Variants in TANC2 observed in about 807,000 individuals in gnomAD.
TANC2 encodes the protein protein TANC2.
In TANC2, 26 loss-of-function variants were observed where a neutral mutation model predicts 210.5. The ratio of observed to expected loss-of-function variants is 0.12; its 90% CI spans 0.09 to 0.17. TANC2 has a LOEUF of 0.17. TANC2 is among the 10% of genes least tolerant of loss of function. The pLI is 1.00. For synonymous variants in TANC2, 931 were observed against 967.1 expected (o/e 0.96, Z 0.69); for missense variants, 2,129 against 2,608.9 (o/e 0.82, Z 4.01).
chr17:63,251,545 A>C (rs1172123553), intron 8 of TANC2, among the ~76,000 whole-genome samples: 2 of 152,184 alleles, frequency 1.3e-5, no homozygotes, highest in African/African-American at 4.8e-5. Flanking sequence ...AGCAAAGAGA[A>C]ACTAAAAGAG....
chr17:63,321,991 T>A (rs1390153696), intron 11 of TANC2, among the ~76,000 whole-genome samples: 1 of 152,164 alleles, frequency 6.6e-6, no homozygotes, highest in Non-Finnish European at 1.5e-5. Context: ...GTCTGTAATA[T>A]TGTAAGGTTC....
intron 8 of TANC2, among the ~76,000 whole-genome samples, chr17:63,264,454 T>C (rs1162582591): frequency 6.6e-6 from 1 of 152,194 alleles, no homozygotes; most frequent in African/African-American, 2.4e-5. Flanking sequence ...CTGCCTTTTT[T>C]GGACTATTAT....
At chr17:63,163,828 C>A (rs923412511) in intron 5 of TANC2, among the ~76,000 whole-genome samples, 1 of 152,154 alleles carries the variant, frequency 6.6e-6, no homozygotes. Flanking sequence ...CTAAGGATAT[C>A]TGTCTTAAAT....
chr17:63,054,926 GTT>G (rs753644291), intron 2 of TANC2, among the ~76,000 whole-genome samples: 29 of 152,030 alleles, frequency 1.9e-4, no homozygotes, highest in South Asian at 8.3e-4. Context: ...CTGTATTTTA[GTT>G]TCTAGAGTAT....
rs76133837 is a variant in TANC2 at position 63,312,263 on chromosome 17, C to T, written c.1160-2125C>T. 7.6e-4 allele frequency among the ~76,000 whole-genome samples: 116 copies of T among 152,112 alleles called. 1 individual carries two copies. Among genetic ancestry groups the T allele is most frequent in the African/African-American group, 2.7e-3 (113 of 41,498 alleles). Reference sequence around the variant, plus strand: ...GTTCTACCAAAAAGACATATGCATGCGTATGTTCATTAAAATACTAGTGAC... The same window carrying T: ...GTTCTACCAAAAAGACATATGCATGTGTATGTTCATTAAAATACTAGTGAC... On this transcript the variant is annotated intron_variant, in intron 9 of 27. Transcript: ENST00000689528.
intron 17 of TANC2, chr17:63,389,878 G>C (rs2047908986): frequency 3.1e-6 from 1 of 327,062 alleles, no homozygotes; most frequent in African/African-American, 2.1e-5. Context: ...AGGAAGCCAG[G>C]AGACTGCAGT....
intron 9 of TANC2, among the ~76,000 whole-genome samples, chr17:63,296,742 T>C (rs1279175923): frequency 1.3e-5 from 2 of 151,892 alleles, no homozygotes; most frequent in African/African-American, 4.8e-5. Flanking sequence ...AGGAAACAAA[T>C]AGAAATTCTG....
chr17:63,419,771 C>T (rs2048967331), intron 27 of TANC2, among the ~76,000 whole-genome samples: 1 of 152,146 alleles, frequency 6.6e-6, no homozygotes, highest in African/African-American at 2.4e-5. Flanking sequence ...CCACTATTCC[C>T]AGAGAGGCCA....
At chr17:63,341,486 T>G (rs879298542) in intron 12 of TANC2, among the ~76,000 whole-genome samples, 1 of 152,240 alleles carries the variant, frequency 6.6e-6, no homozygotes, top group Non-Finnish European at 1.5e-5. Flanking sequence ...CTCATCCTGG[T>G]CTTTCCTGGT....
rs1317924768 is a variant in TANC2, at chr17:63,099,164, C to T, written c.140-11C>T. On this transcript the variant is annotated splice_polypyrimidine_tract_variant and intron_variant, in intron 3 of 27. Transcript: ENST00000689528. ...TCTCACCAGCTCTTTTGTTCCATCCCCTTCTAACAGGTGGCATCTCCACAG... is the reference window on the plus strand; with the variant it reads ...TCTCACCAGCTCTTTTGTTCCATCCTCTTCTAACAGGTGGCATCTCCACAG... 1.9e-6 allele frequency: 3 copies of T among 1,609,830 alleles called. No individual in the cohort carries two copies. The highest frequency in any genetic ancestry group is 2.5e-6 in the Non-Finnish European group (3 of 1,177,966).
chr17:63,194,046 A>T (rs757339414), exon 6 of TANC2: 10 of 1,613,138 alleles, frequency 6.2e-6, no homozygotes, highest in Non-Finnish European at 8.5e-6. Context: ...CAGCAAACAC[A>T]CTCATGACTC....
chr17:63,324,897 A>G (rs1337294681), intron 11 of TANC2, among the ~76,000 whole-genome samples: 1 of 151,992 alleles, frequency 6.6e-6, no homozygotes, highest in African/African-American at 2.4e-5. Context: ...GTACTGAGTA[A>G]TCTTTCTAAA....
intron 9 of TANC2, among the ~76,000 whole-genome samples, chr17:63,269,729 C>T (rs1325950016): frequency 2.0e-5 from 3 of 152,070 alleles, no homozygotes; most frequent in African/African-American, 7.2e-5. Flanking sequence ...TTAACAGATA[C>T]ATTCTGGTGA....
At chr17:63,199,873 G>A (rs1487961585) in intron 6 of TANC2, among the ~76,000 whole-genome samples, 2 of 152,192 alleles carry the variant, frequency 1.3e-5, no homozygotes, top group Non-Finnish European at 2.9e-5. Context: ...CTGTTACAGA[G>A]AAGTTATTTA....
chr17:63,411,938 G>A (rs980979523), intron 22 of TANC2, 60 bp from the exon 23 acceptor site: 13 of 1,592,174 alleles, frequency 8.2e-6, no homozygotes, highest in African/African-American at 6.7e-5. Flanking sequence ...CAGAGCCCTC[G>A]GTGGAACAGT....
chr17:63,150,111 T>G (rs2039596841), intron 4 of TANC2: 1 of 152,162 alleles, frequency 6.6e-6, no homozygotes, highest in South Asian at 2.1e-4. Flanking sequence ...TTACAGGGTC[T>G]TTTAGGAATA....
intron 19 of TANC2, 48 bp downstream of exon 19, chr17:63,398,962 A>T: frequency 7.3e-7 from 1 of 1,378,454 alleles, no homozygotes; most frequent in Non-Finnish European, 1.0e-6. Flanking sequence ...GTTTGTGTGG[A>T]CTCTCGAATC....
At chr17:63,060,703 C>A (rs147245738) in intron 2 of TANC2, among the ~76,000 whole-genome samples, 1 of 152,050 alleles carries the variant, frequency 6.6e-6, no homozygotes, top group Non-Finnish European at 1.5e-5. Flanking sequence ...ATTTTGATAT[C>A]TTTCTAGTTA....
intron 11 of TANC2, among the ~76,000 whole-genome samples, chr17:63,335,036 C>T (rs1416066734): frequency 6.6e-6 from 1 of 152,098 alleles, no homozygotes; most frequent in Non-Finnish European, 1.5e-5. Flanking sequence ...CAGCACCAAG[C>T]CTTGAGGGAT....
Sources: gnomAD v4.1 joint callset for allele counts (sites outside exome capture counted in the v4.1 genomes callset) on GRCh38, gnomAD v4.1.1 for gene constraint, MANE v1.5 for transcripts, NCBI Gene and HGNC (gene_info 2026-07-23, HGNC 2026-07-21) for gene names.